PTPRK: variants seen among roughly 807,000 people sequenced by gnomAD.
The protein encoded by PTPRK is receptor-type tyrosine-protein phosphatase kappa.
A neutral mutation model predicts 178.0 loss-of-function variants in PTPRK; 75 were observed. The observed-to-expected ratio is 0.42, with a 90% CI of 0.35 to 0.51. The LOEUF (loss-of-function observed/expected upper bound fraction) is 0.51. Ranked by LOEUF, PTPRK falls within the 20% of genes least tolerant of loss-of-function variation. The probability of loss-of-function intolerance (pLI) is 0.02; values close to 1 mark genes in which losing one functional copy is unlikely to be tolerated. For synonymous variants in PTPRK, 637 were observed against 620.6 expected (o/e 1.03, Z -0.39); for missense variants, 1,441 against 1,797.8 (o/e 0.80, Z 3.59).
At chr6:128,466,821 TAAATG>T (rs1420624289) in intron 1 of PTPRK, among the ~76,000 whole-genome samples, 1 of 152,098 alleles carries the variant, frequency 6.6e-6, no homozygotes, top group Non-Finnish European at 1.5e-5. Flanking sequence ...ACATAAATTT[TAAATG>T]AAATGTAAGA....
chr6:128,402,462 C>T (rs558537420), intron 1 of PTPRK, among the ~76,000 whole-genome samples: 1 of 152,162 alleles, frequency 6.6e-6, no homozygotes, highest in South Asian at 2.1e-4. Flanking sequence ...CATGTGGGGC[C>T]AGGATGGTCT....
chr6:128,486,940 T>G (rs1033194855), intron 1 of PTPRK, among the ~76,000 whole-genome samples: 2 of 151,560 alleles, frequency 1.3e-5, no homozygotes, highest in African/African-American at 4.8e-5. Flanking sequence ...TGACAGAAAT[T>G]CAACTGAAAC....
chr6:128,244,268 G>A (rs935308677), intron 3 of PTPRK, among the ~76,000 whole-genome samples: 2 of 152,150 alleles, frequency 1.3e-5, no homozygotes, highest in African/African-American at 4.8e-5. Flanking sequence ...GATTATCAGG[G>A]TAAAATAAAG....
chr6:128,146,186 G>T (rs1226970838), intron 7 of PTPRK, among the ~76,000 whole-genome samples: 1 of 152,098 alleles, frequency 6.6e-6, no homozygotes, highest in Non-Finnish European at 1.5e-5. Context: ...AGAGAAAAAG[G>T]CTAGTGACAT....
chr6:128,280,556 G>C (rs1200522557), intron 3 of PTPRK, among the ~76,000 whole-genome samples: 1 of 152,052 alleles, frequency 6.6e-6, no homozygotes, highest in African/African-American at 2.4e-5. Flanking sequence ...TGTTCAAAAG[G>C]CACCTTTGGG....
intron 13 of PTPRK, among the ~76,000 whole-genome samples, chr6:128,016,770 T>C (rs781432710): frequency 6.6e-6 from 1 of 151,918 alleles, no homozygotes; most frequent in Non-Finnish European, 1.5e-5. Flanking sequence ...CCAAGATGTA[T>C]AGTAGAAAGT....
intron 1 of PTPRK, among the ~76,000 whole-genome samples, chr6:128,470,117 A>G (rs1004357276): frequency 6.6e-5 from 10 of 152,188 alleles, no homozygotes; most frequent in African/African-American, 2.4e-4. Context: ...ACAAACTAAC[A>G]ACAATGAAAA....
At chr6:128,312,318 T>C (rs547342223) in intron 3 of PTPRK, among the ~76,000 whole-genome samples, 100 of 152,272 alleles carry the variant, frequency 6.6e-4, no homozygotes, top group African/African-American at 2.3e-3. Context: ...TGGCTGGCTT[T>C]GAAGAAAAAG....
chr6:128,152,564 A>G (rs1171433286), intron 7 of PTPRK, among the ~76,000 whole-genome samples: 1 of 151,794 alleles, frequency 6.6e-6, no homozygotes, highest in Non-Finnish European at 1.5e-5. Flanking sequence ...AGGAAAAAAA[A>G]AAAATCAATG....
intron 24 of PTPRK, among the ~76,000 whole-genome samples, chr6:127,982,235 T>C (rs1358820162): frequency 1.3e-5 from 2 of 152,114 alleles, no homozygotes; most frequent in Non-Finnish European, 2.9e-5. Context: ...AAATACACAC[T>C]AAATACACAC....
chr6:128,330,471 C>T (rs1483700427), intron 2 of PTPRK, among the ~76,000 whole-genome samples: 1 of 150,520 alleles, frequency 6.6e-6, no homozygotes, highest in African/African-American at 2.4e-5. Flanking sequence ...TTTGATTTTT[C>T]CCCTTCCTTC....
intron 3 of PTPRK, among the ~76,000 whole-genome samples, 171 bp from the exon 4 acceptor site, chr6:128,242,773 C>A (rs1382351443): frequency 6.6e-6 from 1 of 152,054 alleles, no homozygotes; most frequent in African/African-American, 2.4e-5. Context: ...GTAAACAAAT[C>A]AAAATATAAA....
intron 1 of PTPRK, among the ~76,000 whole-genome samples, chr6:128,440,084 G>C (rs1318737382): frequency 2.0e-5 from 3 of 152,144 alleles, no homozygotes; most frequent in Admixed American, 6.6e-5. Flanking sequence ...CATATCCAGA[G>C]GGCCAACTGT....
At chr6:128,392,784 T>G (rs2128365579) in intron 2 of PTPRK, among the ~76,000 whole-genome samples, 1 of 152,184 alleles carries the variant, frequency 6.6e-6, no homozygotes, top group South Asian at 2.1e-4. Context: ...AGAGAACACT[T>G]TTTTGATAGA....
At position 128,397,456 on chromosome 6, in the gene PTPRK, TA is replaced by T. The variant is rs908853327; in HGVS notation, c.223+109del. 414 of 1,359,010 alleles carry T rather than the reference TA, an allele frequency of 3.0e-4. 2 individuals are homozygous for T. Among genetic ancestry groups the T allele is most frequent in the Non-Finnish European group, 3.5e-4 (343 of 981,384 alleles). 84.2% of individuals were successfully genotyped at this position (1,359,010 alleles called of 1,614,324 possible). A position where few individuals can be genotyped will look rare whatever the true frequency, so the allele number is the denominator to read the frequency against. ...TCTTAGAAGTGATCCAGTAGCACAA[TA>T]ATTTAGCTTATTATAACCATTAAAT... is the stretch of plus-strand genomic sequence containing the variant. On this transcript the variant is annotated intron_variant, in intron 2 of 29. Transcript: ENST00000368226.
intron 6 of PTPRK, among the ~76,000 whole-genome samples, chr6:128,205,231 G>A (rs778699745): frequency 1.1e-4 from 16 of 152,066 alleles, no homozygotes; most frequent in Admixed American, 5.2e-4. Context: ...TGGATACATG[G>A]AGGGGAACAA....
At chr6:128,261,652 T>C (rs1391846017) in intron 3 of PTPRK, among the ~76,000 whole-genome samples, 1 of 152,214 alleles carries the variant, frequency 6.6e-6, no homozygotes, top group African/African-American at 2.4e-5. Flanking sequence ...ACCAGCCACC[T>C]GCAGGCATCA....
intron 3 of PTPRK, among the ~76,000 whole-genome samples, chr6:128,276,795 G>A (rs1418053249): frequency 2.6e-5 from 4 of 152,076 alleles, no homozygotes; most frequent in South Asian, 2.1e-4. Flanking sequence ...TGTGGGCACC[G>A]ATGAGTTCAA....
intron 7 of PTPRK, among the ~76,000 whole-genome samples, chr6:128,167,215 G>GA (rs1008495998): frequency 7.3e-5 from 11 of 151,516 alleles, no homozygotes; most frequent in Non-Finnish European, 1.0e-4. Context: ...TACACAGCCA[G>GA]AAAAAAAATC....
Sources: allele counts gnomAD v4.1 joint callset (sites outside exome capture counted in the v4.1 genomes callset), GRCh38; gene constraint gnomAD v4.1.1; transcripts MANE v1.5; gene names NCBI Gene and HGNC (gene_info 2026-07-23, HGNC 2026-07-21).